The following RCOR3 variants were observed in gnomAD, a reference collection of about 807,000 sequenced individuals.
The protein encoded by RCOR3 is REST corepressor 3.
In RCOR3, 13 loss-of-function variants were observed where a neutral mutation model predicts 64.1. That is an observed-to-expected ratio of 0.20 (90% CI 0.13 to 0.32). The LOEUF (loss-of-function observed/expected upper bound fraction) is 0.32. RCOR3 is among the 10% of genes least tolerant of loss of function. RCOR3 has a pLI of 1.00. For synonymous variants in RCOR3, 215 were observed against 239.0 expected (o/e 0.90, Z 0.93); for missense variants, 489 against 701.2 (o/e 0.70, Z 3.42).
intron 10 of RCOR3, among the ~76,000 whole-genome samples, chr1:211,311,447 T>A (rs1422527747): frequency 2.0e-5 from 3 of 152,116 alleles, no homozygotes; most frequent in African/African-American, 7.2e-5. Flanking sequence ...CCCAGCTAGT[T>A]TAATGTAGTC....
intron 10 of RCOR3, among the ~76,000 whole-genome samples, chr1:211,307,604 C>T (rs1362104554): frequency 6.6e-6 from 1 of 151,758 alleles, no homozygotes; most frequent in Non-Finnish European, 1.5e-5. Context: ...TTTCAAAAAA[C>T]AAGACATTTA....
At chr1:211,277,957 T>C (rs574120975) in intron 5 of RCOR3, among the ~76,000 whole-genome samples, 160 bp from the exon 6 acceptor site, 2 of 152,220 alleles carry the variant, frequency 1.3e-5, no homozygotes, top group Admixed American at 6.5e-5. Context: ...GAAATTGATA[T>C]GGGATACTGA....
intron 3 of RCOR3, 102 bp downstream of exon 3, chr1:211,271,411 A>T: frequency 1.2e-6 from 1 of 842,670 alleles, no homozygotes; most frequent in Non-Finnish European, 2.0e-6. Flanking sequence ...CTCATAAGAA[A>T]ACAGTTTTGT....
chr1:211,302,000 A>C (rs1700429349), intron 9 of RCOR3: 1 of 152,196 alleles, frequency 6.6e-6, no homozygotes, highest in African/African-American at 2.4e-5. Flanking sequence ...TAATCCTTAG[A>C]GCAACCTACA....
At chr1:211,271,404 A>T in intron 3 of RCOR3, 95 bp downstream of exon 3, 1 of 885,292 alleles carries the variant, frequency 1.1e-6, no homozygotes, top group East Asian at 2.5e-5. Flanking sequence ...ATAGATTCTC[A>T]TAAGAAAACA....
chr1:211,282,117 C>T (rs1007045621), intron 7 of RCOR3, among the ~76,000 whole-genome samples: 1 of 152,126 alleles, frequency 6.6e-6, no homozygotes, highest in African/African-American at 2.4e-5. Context: ...CCCAACTATG[C>T]AAGATGATGC....
chr1:211,268,369 C>CTTTTTT (rs756643084), intron 2 of RCOR3, among the ~76,000 whole-genome samples: 30 of 79,356 alleles, frequency 3.8e-4, no homozygotes, highest in African/African-American at 1.1e-3. Flanking sequence ...TCTTTTCTTT[C>CTTTTTT]TTTTTTTTTT....
At chr1:211,297,370 GT>G (rs1314712386) in intron 9 of RCOR3, among the ~76,000 whole-genome samples, 2 of 152,192 alleles carry the variant, frequency 1.3e-5, no homozygotes, top group East Asian at 3.9e-4. Flanking sequence ...AATCAGGGAG[GT>G]TAACCAACTT....
chr1:211,276,694 GA>G (rs146407160), intron 5 of RCOR3, among the ~76,000 whole-genome samples: 12 of 151,480 alleles, frequency 7.9e-5, no homozygotes, highest in African/African-American at 2.7e-4. Flanking sequence ...ATTGTTCCAG[GA>G]AAAAAAATAA....
Position 211,313,652 on chromosome 1 carries a change from C to T in RCOR3, c.1546C>T (p.Pro516Ser). 6.2e-7 allele frequency: 1 copy of T among 1,614,208 alleles called. No homozygotes were observed. The highest frequency in any genetic ancestry group is 1.3e-5 in the African/African-American group (1 of 75,046). ...LNQPPPPLIR[P>S]ANSMPPRLNP... The stretch of plus-strand genomic sequence containing the variant: ...TCAGCCTCCACCACCTCTTATTCGC[C>T]CTGCTAATTCCATGCCACCCCGTCT... Residue 516 changes from proline to serine, a missense_variant, in exon 12 of 12, where the codon CCT becomes TCT. Physicochemically the swap from Pro to Ser is moderately conservative, Grantham distance 74. This residue lies in a region of RCOR3 where 402 missense variants were observed against 617.0 expected (regional missense o/e 0.65). Coordinates refer to ENST00000419091, the MANE Select transcript of RCOR3 (RefSeq NM_001136223.3). This position sits in a 1 kb window ranked among gnomAD's most constrained non-coding sequence, Gnocchi z 4.7.
chr1:211,263,055 A>G (rs1433123547), intron 2 of RCOR3, among the ~76,000 whole-genome samples: 6 of 119,156 alleles, frequency 5.0e-5, no homozygotes, highest in Non-Finnish European at 9.7e-5. Flanking sequence ...CCAGAGTGTG[A>G]TGTTCCCCTT....
chr1:211,299,531 G>C (rs1700169310), intron 9 of RCOR3, among the ~76,000 whole-genome samples: 1 of 152,186 alleles, frequency 6.6e-6, no homozygotes, highest in African/African-American at 2.4e-5. Flanking sequence ...GGAATTTTCA[G>C]CATCGAGTAG....
At chr1:211,275,268 T>G (rs1696809684) in intron 4 of RCOR3, among the ~76,000 whole-genome samples, 1 of 152,026 alleles carries the variant, frequency 6.6e-6, no homozygotes, top group Non-Finnish European at 1.5e-5. Context: ...TATAGTCCAG[T>G]TACATGGTAA....
In RCOR3 at chr1:211,259,456, T is replaced by TCCTC; in HGVS notation, c.-104_-103insCTCC. On this transcript the variant is annotated 5_prime_UTR_variant, in exon 1 of 12. Transcript: ENST00000419091. ...TCCTCCTCCTCCGCCGCCGCCGCCGTCTCCTCCTCCTCCTCCTTTCCCTCC... is the reference window on the plus strand; with the variant it reads ...TCCTCCTCCTCCGCCGCCGCCGCCGTCCTCCTCCTCCTCCTCCTCCTTTCCCTCC... 8.9e-7 allele frequency: 1 copy of TCCTC among 1,122,442 alleles called. No homozygotes were observed. The highest frequency in any genetic ancestry group is 1.2e-6 in the Non-Finnish European group (1 of 811,146). The allele number at this position is 1,122,442 out of a possible 1,614,324, so 69.5% of individuals were successfully genotyped here. A position where few individuals can be genotyped will look rare whatever the true frequency, so the allele number is the denominator to read the frequency against.
intron 2 of RCOR3, among the ~76,000 whole-genome samples, chr1:211,262,726 CTTTTT>C (rs1694532918): frequency 6.6e-6 from 1 of 151,316 alleles, no homozygotes; most frequent in Non-Finnish European, 1.5e-5. Context: ...TGGAAAGCAT[CTTTTT>C]TGTTTCAGGA....
In RCOR3 at chr1:211,312,005, A is replaced by G. The variant is rs894741757; in HGVS notation, c.1076-715A>G. 6.6e-6 allele frequency among the ~76,000 whole-genome samples: 1 copy of G among 152,106 alleles called. No homozygotes were observed. Among genetic ancestry groups the G allele is most frequent in the Non-Finnish European group, 1.5e-5 (1 of 67,994 alleles). On this transcript the variant is annotated intron_variant, in intron 10 of 11. Transcript: ENST00000419091. This position sits in a 1 kb window ranked among gnomAD's most constrained non-coding sequence, Gnocchi z 5.0. ...GAGCACAAGTGCTCTTCAGGTAGTC[A>G]TTACTGTTACCTTATTCTTTAAGCT...
In RCOR3 at chr1:211,314,027, CAA is replaced by C. The variant is rs1399694086; in HGVS notation, c.*262_*263del. The stretch of plus-strand genomic sequence containing the variant: ...AATGTTGATCTCATAAAAGGAAAAA[CAA>C]AAGATTTAAGTATTCTATATACCAA... On this transcript the variant is annotated 3_prime_UTR_variant, in exon 12 of 12. Transcript: ENST00000419091. The C allele has an allele frequency of 1.4e-5, 6 of 427,206 alleles. No homozygotes were observed. In the Admixed American group the frequency reaches 2.0e-4, roughly 14 times the overall value. The allele number at this position is 427,206 out of a possible 1,614,324, so 26.5% of individuals were successfully genotyped here. A position where few individuals can be genotyped will look rare whatever the true frequency, so the allele number is the denominator to read the frequency against.
At chr1:211,308,500 G>A (rs1701091626) in intron 10 of RCOR3, among the ~76,000 whole-genome samples, 3 of 151,824 alleles carry the variant, frequency 2.0e-5, no homozygotes, top group Admixed American at 2.0e-4. Flanking sequence ...AGATGTTATT[G>A]TATTCCTATT....
intron 8 of RCOR3, among the ~76,000 whole-genome samples, chr1:211,295,243 G>C (rs539315091): frequency 6.6e-6 from 1 of 151,924 alleles, no homozygotes; most frequent in African/African-American, 2.4e-5. Flanking sequence ...TGAGAATTAA[G>C]TGATTTATTA....
Sources: allele counts gnomAD v4.1 joint callset (sites outside exome capture counted in the v4.1 genomes callset), GRCh38; gene constraint gnomAD v4.1.1; regional missense constraint gnomAD v4.1.1; non-coding constraint Gnocchi (gnomAD v3.1); transcripts MANE v1.5; gene names NCBI Gene and HGNC (gene_info 2026-07-23, HGNC 2026-07-21).